The following TANC1 variants were observed in gnomAD, a reference collection of about 807,000 sequenced individuals.
TANC1 encodes tetratricopeptide repeat, ankyrin repeat and coiled-coil containing 1.
A neutral mutation model predicts 149.7 loss-of-function variants in TANC1; 77 were observed. The observed-to-expected ratio is 0.51, with a 90% CI of 0.43 to 0.62. The LOEUF (loss-of-function observed/expected upper bound fraction) is 0.62, where lower values mean the gene tolerates loss of function less well. Among genes scored for constraint, TANC1 ranks in the 20% least tolerant of loss-of-function variants. The probability of loss-of-function intolerance (pLI) is 0.00; values close to 1 mark genes in which losing one functional copy is unlikely to be tolerated. For synonymous variants in TANC1, 854 were observed against 925.0 expected (o/e 0.92, Z 1.39); for missense variants, 1,985 against 2,321.8 (o/e 0.85, Z 2.98).
chr2:159,049,633 C>T (rs1297331181), intron 2 of TANC1, among the ~76,000 whole-genome samples: 1 of 152,146 alleles, frequency 6.6e-6, no homozygotes, highest in Non-Finnish European at 1.5e-5. Flanking sequence ...TGAGGACCTC[C>T]CCAGAGTGGT....
intron 8 of TANC1, 72 bp downstream of exon 8, chr2:159,163,618 T>C: frequency 6.5e-7 from 1 of 1,531,534 alleles, no homozygotes; most frequent in South Asian, 1.3e-5. Context: ...TGTCTTCACA[T>C]GGGAAGACAC....
At chr2:159,164,100 T>C (rs950256248) in intron 8 of TANC1, among the ~76,000 whole-genome samples, 2 of 152,058 alleles carry the variant, frequency 1.3e-5, no homozygotes, top group East Asian at 3.9e-4. Context: ...TTTACCGAGA[T>C]ATGCAGCAGC....
intron 1 of TANC1, among the ~76,000 whole-genome samples, chr2:158,970,442 GT>G (rs2032690446): frequency 6.6e-6 from 1 of 152,152 alleles, no homozygotes; most frequent in Non-Finnish European, 1.5e-5. Context: ...GAATGAAGGA[GT>G]TTATGAGCGG....
intron 2 of TANC1, among the ~76,000 whole-genome samples, chr2:159,017,695 AAT>A (rs70994255): frequency 0.31 from 42,600 of 138,652 alleles, 6,434 homozygotes; most frequent in South Asian, 0.47. Flanking sequence ...ACAACAACAA[AAT>A]ATATATATAT....
intron 1 of TANC1, among the ~76,000 whole-genome samples, chr2:158,985,572 A>T (rs2034902337): frequency 1.3e-5 from 2 of 152,320 alleles, no homozygotes; most frequent in South Asian, 4.1e-4. Flanking sequence ...ACTTCAGGTT[A>T]CTTTCCTTGT....
chr2:158,999,531 C>G (rs568847490), intron 1 of TANC1, among the ~76,000 whole-genome samples: 1 of 152,196 alleles, frequency 6.6e-6, no homozygotes, highest in African/African-American at 2.4e-5. Flanking sequence ...TGATCCCTAC[C>G]TAAGCCAGTG....
rs544995373 is a variant in TANC1 at position 159,122,481 on chromosome 2, CT to C, written c.260-13705del. On this transcript the variant is annotated intron_variant, in intron 4 of 26. Transcript: ENST00000263635. The stretch of plus-strand genomic sequence containing the variant: ...AAAATTAACATAGAGCAAAAATGAA[CT>C]TTTTTTTCTCATTGTACAGATCTGT... Among the ~76,000 whole-genome samples the C allele has an allele frequency of 1.1e-3, 160 of 151,934 alleles. 1 individual carries two copies. The highest frequency in any genetic ancestry group is 3.1e-3 in the African/African-American group (130 of 41,464).
chr2:159,045,373 A>G (rs986828299), intron 2 of TANC1, among the ~76,000 whole-genome samples: 6 of 152,214 alleles, frequency 3.9e-5, no homozygotes, highest in African/African-American at 1.4e-4. Flanking sequence ...CGGAGGTTGC[A>G]GTGAGCCGAG....
chr2:159,003,280 A>G (rs2036790958), intron 2 of TANC1, among the ~76,000 whole-genome samples: 1 of 152,246 alleles, frequency 6.6e-6, no homozygotes, highest in South Asian at 2.1e-4. Context: ...CCTTAAAATC[A>G]AAACAGGACT....
At chr2:159,106,719 G>A (rs1559270890) in intron 4 of TANC1, among the ~76,000 whole-genome samples, 2 of 152,102 alleles carry the variant, frequency 1.3e-5, no homozygotes, top group Non-Finnish European at 2.9e-5. Context: ...TGGTAGTTCC[G>A]TAAAACCTTC....
chr2:159,095,726 A>T (rs571711787), intron 3 of TANC1, among the ~76,000 whole-genome samples: 1 of 107,440 alleles, frequency 9.3e-6, no homozygotes, highest in African/African-American at 3.8e-5. Context: ...ACACAGCAAG[A>T]CTGTCTCAAA....
At chr2:159,140,614 G>A (rs72951438) in intron 5 of TANC1, among the ~76,000 whole-genome samples, 5,269 of 151,782 alleles carry the variant, frequency 0.035, 106 homozygotes, top group Non-Finnish European at 0.046. Flanking sequence ...TGGCGTGACT[G>A]TAATAAAGGA....
chr2:159,194,315 A>G lies in TANC1; in HGVS notation c.2801A>G (p.Asn934Ser). 1 of 1,614,266 alleles carries G rather than the reference A, an allele frequency of 6.2e-7. No individual in the cohort carries two copies. Among genetic ancestry groups the G allele is most frequent in the Non-Finnish European group, 8.5e-7 (1 of 1,180,046 alleles). ...ANVNYRTEVLNNAPILCVQSH... is the reference protein window; with the variant it reads ...ANVNYRTEVLSNAPILCVQSH... ...GTGAACTACAGGACAGAAGTGTTAA[A>G]TAATGCCCCAATCCTGTGCGTCCAG... Residue 934 changes from asparagine (N) to serine (S), a missense_variant, in exon 17 of 27, where the codon AAT becomes AGT. Physicochemically the swap from Asn to Ser is conservative, Grantham distance 46 (BLOSUM62 1). Around this residue, in one of 3 missense-constraint regions of TANC1, gnomAD observed 508 missense variants for 714.2 expected, o/e 0.71. Transcript: ENST00000263635.
intron 3 of TANC1, among the ~76,000 whole-genome samples, chr2:159,093,793 G>C (rs1273485767): frequency 1.4e-5 from 2 of 147,428 alleles, no homozygotes; most frequent in Non-Finnish European, 3.0e-5. Context: ...TAAAATCATA[G>C]TGCTGGAGCC....
intron 1 of TANC1, among the ~76,000 whole-genome samples, chr2:158,987,582 TTAG>T (rs2035158637): frequency 6.6e-6 from 1 of 152,184 alleles, no homozygotes; most frequent in Admixed American, 6.5e-5. Flanking sequence ...CACTCATTCA[TTAG>T]ACCATTTGCT....
rs545319175 is a variant in TANC1, at chr2:159,002,110, G to A, written c.-16+921G>A. Among the ~76,000 whole-genome samples the A allele has an allele frequency of 6.6e-5, 10 of 152,338 alleles. No individual in the cohort carries two copies. In the South Asian group the frequency reaches 1.0e-3, roughly 16 times the overall value. On this transcript the variant is annotated intron_variant, in intron 2 of 26. Transcript: ENST00000263635. ...TTATGGAGAAGTGGGAGAGCCCAGC[G>A]TGGGGTGTGCCAGTGTGATCCAAAG...
chr2:159,212,342 G>A (rs116485255), intron 19 of TANC1, among the ~76,000 whole-genome samples: 245 of 152,312 alleles, frequency 1.6e-3, no homozygotes, highest in Non-Finnish European at 2.9e-3. Flanking sequence ...GAGGAAAATG[G>A]CAGAGCAGCA....
chr2:159,037,446 A>G (rs1282739026), intron 2 of TANC1, among the ~76,000 whole-genome samples: 2 of 152,160 alleles, frequency 1.3e-5, no homozygotes, highest in South Asian at 4.1e-4. Context: ...TATGTCCGGA[A>G]TGGTATTGCC....
At chr2:158,983,383 C>T (rs954612922) in intron 1 of TANC1, among the ~76,000 whole-genome samples, 14 of 147,364 alleles carry the variant, frequency 9.5e-5, no homozygotes, top group Admixed American at 1.4e-4. Context: ...AGGAGAATAG[C>T]GTGAACCCGG....
Sources: allele counts gnomAD v4.1 joint callset (sites outside exome capture counted in the v4.1 genomes callset), GRCh38; gene constraint gnomAD v4.1.1; regional missense constraint gnomAD v4.1.1; transcripts MANE v1.5; gene names NCBI Gene and HGNC (gene_info 2026-07-23, HGNC 2026-07-21).